The following TMEM243 variants were observed in gnomAD, a reference collection of about 807,000 sequenced individuals.
The protein encoded by TMEM243 is transmembrane protein 243.
TMEM243 carries 20 observed loss-of-function variants against 15.0 expected under a neutral mutation model. The ratio of observed to expected loss-of-function variants is 1.33; its 90% CI spans 0.94 to 1.93. The LOEUF (loss-of-function observed/expected upper bound fraction) is 1.93. Among genes scored for constraint, TMEM243 ranks in the 30% most tolerant of loss-of-function variants. The pLI, the probability that TMEM243 is intolerant of heterozygous loss-of-function variation, is 0.00. For synonymous variants in TMEM243, 72 were observed against 52.7 expected (o/e 1.37, Z -1.59); for missense variants, 156 against 142.1 (o/e 1.10, Z -0.50).
chr7:87,204,503 G>A (rs1802059982), intron 1 of TMEM243, among the ~76,000 whole-genome samples: 1 of 151,838 alleles, frequency 6.6e-6, no homozygotes, highest in South Asian at 2.1e-4. Flanking sequence ...ATAAAATGGG[G>A]GTACGGGCAT....
At position 87,219,657 on chromosome 7, in the gene TMEM243, GCTCACACGCGGGGAACGCGACTGCT is replaced by G. The variant is rs1451088278; in HGVS notation, c.-179_-155del. The G allele has an allele frequency of 1.5e-6, 1 of 655,208 alleles. No homozygotes were observed. The highest frequency in any genetic ancestry group is 2.8e-5 in the East Asian group (1 of 36,322). The allele number at this position is 655,208 out of a possible 1,614,324, so 40.6% of individuals were successfully genotyped here. On this transcript the variant is annotated 5_prime_UTR_variant, in exon 1 of 4. An upstream open reading frame in the 5' UTR loses its in-frame stop. Coordinates refer to ENST00000257637, the MANE Select transcript of TMEM243 (RefSeq NM_024315.4). The stretch of plus-strand genomic sequence containing the variant: ...GCGCTGGCGCCAGGGATGGGTGGGG[GCTCACACGCGGGGAACGCGACTGCT>G]CCGCCCCGGCCCCGCGCACCTCCTC...
intron 1 of TMEM243, among the ~76,000 whole-genome samples, chr7:87,200,167 T>C (rs991724551): frequency 4.6e-5 from 7 of 152,278 alleles, no homozygotes; most frequent in Admixed American, 4.6e-4. Context: ...AAGTATTGGA[T>C]GTGTGTGATC....
intron 1 of TMEM243, among the ~76,000 whole-genome samples, chr7:87,201,890 T>C (rs1801837468): frequency 6.6e-6 from 1 of 152,180 alleles, no homozygotes; most frequent in Non-Finnish European, 1.5e-5. Context: ...CAAGGAAGCT[T>C]GACAGGACAA....
In TMEM243 at chr7:87,219,459, G is replaced by A; in HGVS notation, c.45C>T (p.Asp15=). The change falls in exon 1 of 4, where the codon GAC becomes GAT. Residue 15 remains aspartate (D), a synonymous_variant. Transcript: ENST00000257637. Reference sequence around the variant, plus strand: ...ACGTCTCCCCAAACAGAGGTCTGTTGTCCAGGCCACTGGTGCCGTAGGTCC... The same window carrying A: ...ACGTCTCCCCAAACAGAGGTCTGTTATCCAGGCCACTGGTGCCGTAGGTCC... ...ATRTYGTSGL[D]NRPLFGETSA... 2 of 1,614,248 alleles carry A rather than the reference G, an allele frequency of 1.2e-6. No homozygotes were observed. The highest frequency in any genetic ancestry group is 1.1e-5 in the South Asian group (1 of 91,090).
chr7:87,219,469 C>G lies in TMEM243; in HGVS notation c.35G>C (p.Ser12Thr), dbSNP rs1339592680. The G allele has an allele frequency of 6.2e-7, 1 of 1,614,134 alleles. No individual in the cohort carries two copies. The highest frequency in any genetic ancestry group is 8.5e-7 in the Non-Finnish European group (1 of 1,180,042). The change falls in exon 1 of 4, where the codon AGT becomes ACT. Residue 12 changes from serine (S) to threonine (T), a missense_variant. Transcript: ENST00000257637. ...AAACAGAGGTCTGTTGTCCAGGCCA[C>G]TGGTGCCGTAGGTCCTGGTAGCAAA... ...EDFATRTYGTSGLDNRPLFGE... is the reference protein window; with the variant it reads ...EDFATRTYGTTGLDNRPLFGE...
intron 1 of TMEM243, among the ~76,000 whole-genome samples, chr7:87,216,534 T>TA (rs1584556163): frequency 1.3e-5 from 2 of 152,190 alleles, no homozygotes; most frequent in African/African-American, 4.8e-5. Context: ...TGTAAAGCTA[T>TA]TCCTAAATAG....
intron 1 of TMEM243, among the ~76,000 whole-genome samples, chr7:87,218,447 C>T (rs1236672105): frequency 6.6e-6 from 1 of 152,228 alleles, no homozygotes; most frequent in Non-Finnish European, 1.5e-5. Context: ...ATTCCCCAGA[C>T]TGCCAGGTGT....
rs1801204625 is a variant in TMEM243, at chr7:87,196,243, A to C, written c.*393T>G. On this transcript the variant is annotated 3_prime_UTR_variant, in exon 4 of 4. Transcript: ENST00000257637. ...ACTGTGTTTTGTCAACGTGAAATTAAATTGTAGTTATAAGCAAAAGTTGGT... is the reference window on the plus strand; with the variant it reads ...ACTGTGTTTTGTCAACGTGAAATTACATTGTAGTTATAAGCAAAAGTTGGT... 6.4e-6 allele frequency: 1 copy of C among 156,604 alleles called. No homozygotes were observed. The highest frequency in any genetic ancestry group is 1.4e-5 in the Non-Finnish European group (1 of 71,036). 9.7% of individuals were successfully genotyped at this position (156,604 alleles called of 1,614,324 possible).
At chr7:87,214,259 G>A (rs890924325) in intron 1 of TMEM243, among the ~76,000 whole-genome samples, 2 of 152,156 alleles carry the variant, frequency 1.3e-5, no homozygotes, top group African/African-American at 4.8e-5. Context: ...AGACTGACTC[G>A]CAAGCCCTGA....
chr7:87,220,530 G>T (rs1485271743), upstream of TMEM243: 1 of 152,286 alleles, frequency 6.6e-6, no homozygotes, highest in Non-Finnish European at 1.5e-5. Flanking sequence ...TCACCTCCCG[G>T]CTCCTTCTCA....
At chr7:87,209,138 A>G (rs1050087744) in intron 1 of TMEM243, among the ~76,000 whole-genome samples, 1 of 152,180 alleles carries the variant, frequency 6.6e-6, no homozygotes, top group Non-Finnish European at 1.5e-5. Flanking sequence ...AAGCCTTTAC[A>G]TCCATTCTCA....
intron 1 of TMEM243, among the ~76,000 whole-genome samples, chr7:87,211,390 A>G (rs1373571296): frequency 6.6e-6 from 1 of 152,182 alleles, no homozygotes; most frequent in Admixed American, 6.5e-5. Flanking sequence ...TAAATGCCCA[A>G]AGGGTGCTAC....
At chr7:87,200,917 CTG>C (rs1254733870) in intron 1 of TMEM243, among the ~76,000 whole-genome samples, 3 of 152,202 alleles carry the variant, frequency 2.0e-5, no homozygotes, top group Admixed American at 6.5e-5. Flanking sequence ...AAGTACTACA[CTG>C]TGCTTACCTT....
In TMEM243 at chr7:87,218,345, T is replaced by G. The variant is rs151049384; in HGVS notation, c.78+1081A>C. On this transcript the variant is annotated intron_variant, in intron 1 of 3. Transcript: ENST00000257637. ...GATCGAGTTTAAAACGCTTTCATAT[T>G]AAAACATTTTGAGAAGAGAAAGTAA... 7.9e-5 allele frequency among the ~76,000 whole-genome samples: 12 copies of G among 152,352 alleles called. No individual in the cohort carries two copies. The East Asian group carries it at 2.3e-3, about 29-fold the overall frequency.
intron 1 of TMEM243, among the ~76,000 whole-genome samples, chr7:87,200,757 TC>T (rs1173076267): frequency 6.6e-6 from 1 of 152,148 alleles, no homozygotes; most frequent in African/African-American, 2.4e-5. Flanking sequence ...TTTCCCAAGA[TC>T]TCAATACCAT....
chr7:87,215,607 A>G (rs2129239246), intron 1 of TMEM243, among the ~76,000 whole-genome samples: 1 of 152,322 alleles, frequency 6.6e-6, no homozygotes, highest in Non-Finnish European at 1.5e-5. Flanking sequence ...AAGCCATAAC[A>G]CAGGCTTGGA....
At chr7:87,210,090 CGTGTGGGAGCGGGGAACT>C (rs1584543031) in intron 1 of TMEM243, among the ~76,000 whole-genome samples, 1 of 149,618 alleles carries the variant, frequency 6.7e-6, no homozygotes, top group East Asian at 2.0e-4. Context: ...AGCGGGGAAG[CGTGTGGGAGCGGGGAACT>C]GCCACATGCA....
At chr7:87,213,852 C>G (rs1447619830) in intron 1 of TMEM243, among the ~76,000 whole-genome samples, 7 of 152,022 alleles carry the variant, frequency 4.6e-5, no homozygotes, top group East Asian at 3.9e-4. Context: ...ATCTGAGCCT[C>G]AGAGCCCACT....
At chr7:87,196,787 A>AAAATTTGAAATATAACATTTTC in intron 3 of TMEM243, 29 bp from the exon 4 acceptor site, 1 of 1,449,842 alleles carries the variant, frequency 6.9e-7, no homozygotes, top group Non-Finnish European at 9.4e-7. Context: ...TTTATAAATT[A>AAAATTTGAAATATAACATTTTC]AAATTTGAAA....
Sources: allele counts gnomAD v4.1 joint callset (sites outside exome capture counted in the v4.1 genomes callset), GRCh38; gene constraint gnomAD v4.1.1; transcripts MANE v1.5; gene names NCBI Gene and HGNC (gene_info 2026-07-23, HGNC 2026-07-21).